OR4K5: variants seen among roughly 807,000 people sequenced by gnomAD.
The protein encoded by OR4K5 is olfactory receptor family 4 subfamily K member 5, also known as olfactory receptor 4K5.
For missense variants in OR4K5, 520 were observed against 377.1 expected, an observed-to-expected ratio of 1.38 and a Z score of -3.14; for synonymous variants, 187 against 142.2, an observed-to-expected ratio of 1.31 and a Z score of -2.24.
rs752580781 is a variant in OR4K5 at position 19,920,912 on chromosome 14, C to T, written c.306C>T (p.Phe102=). 1.2e-6 allele frequency: 2 copies of T among 1,614,166 alleles called. No individual in the cohort carries two copies. Among genetic ancestry groups the T allele is most frequent in the Middle Eastern group, 1.7e-4 (1 of 6,060 alleles). The change falls in exon 1 of 1, where the codon TTC becomes TTT. Residue 102 remains phenylalanine, a synonymous_variant. Transcript: ENST00000315915. The part of the protein sequence containing the change: ...ISFSGCIAQI[F]FIHLFTGGEM... ...TCAGTGGCTGCATAGCCCAAATTTT[C>T]TTTATTCACCTTTTTACTGGAGGGG...
At position 19,920,840 on chromosome 14, in the gene OR4K5, C is replaced by T. The variant is rs1297721290; in HGVS notation, c.234C>T (p.Thr78=). Residue 78 remains threonine, a synonymous_variant, in exon 1 of 1, where the codon ACC becomes ACT. Coordinates refer to ENST00000315915, the MANE Select transcript of OR4K5 (RefSeq NM_001005483.1). The part of the protein sequence containing the change: ...FVDICQASFA[T]PKMIADFLSA... ...ACATTTGTCAGGCTTCTTTTGCTACCCCTAAAATGATTGCAGATTTTCTGA... is the reference window on the plus strand; with the variant it reads ...ACATTTGTCAGGCTTCTTTTGCTACTCCTAAAATGATTGCAGATTTTCTGA... 6.2e-7 allele frequency: 1 copy of T among 1,614,164 alleles called. No homozygotes were observed. The highest frequency in any genetic ancestry group is 1.3e-5 in the African/African-American group (1 of 75,050).
chr14:19,920,905 A>G lies in OR4K5; in HGVS notation c.299A>G (p.Gln100Arg), dbSNP rs765920715. 4 of 1,614,172 alleles carry G rather than the reference A, an allele frequency of 2.5e-6. No individual in the cohort carries two copies. In the South Asian group the frequency reaches 4.4e-5, roughly 18 times the overall value. Reference sequence around the variant, plus strand: ...ATATCTTTCAGTGGCTGCATAGCCCAAATTTTCTTTATTCACCTTTTTACT... The same window carrying G: ...ATATCTTTCAGTGGCTGCATAGCCCGAATTTTCTTTATTCACCTTTTTACT... Reference protein sequence around the residue: ...ETISFSGCIAQIFFIHLFTGG... With the variant: ...ETISFSGCIARIFFIHLFTGG... Residue 100 changes from glutamine to arginine, a missense_variant, in exon 1 of 1, where the codon CAA (glutamine) becomes CGA (arginine). Coordinates refer to ENST00000315915, the MANE Select transcript of OR4K5 (RefSeq NM_001005483.1).
In OR4K5 at chr14:19,920,909, T is replaced by G. The variant is rs767417466; in HGVS notation, c.303T>G (p.Ile101Met). The G allele has an allele frequency of 3.7e-6, 6 of 1,614,172 alleles. No homozygotes were observed. The highest frequency in any genetic ancestry group is 2.2e-5 in the South Asian group (2 of 91,086). Residue 101 changes from isoleucine (I) to methionine (M), a missense_variant, in exon 1 of 1, where the codon ATT becomes ATG. Ile to Met is a conservative substitution (Grantham distance 10). Coordinates refer to ENST00000315915, the MANE Select transcript of OR4K5 (RefSeq NM_001005483.1). ...CTTTCAGTGGCTGCATAGCCCAAAT[T>G]TTCTTTATTCACCTTTTTACTGGAG... ...TISFSGCIAQ[I>M]FFIHLFTGGE...
In OR4K5 at chr14:19,920,984, A is replaced by G; in HGVS notation, c.378A>G (p.Ile126Met). 1 of 1,614,204 alleles carries G rather than the reference A, an allele frequency of 6.2e-7. No individual in the cohort carries two copies. The highest frequency in any genetic ancestry group is 8.5e-7 in the Non-Finnish European group (1 of 1,180,006). Residue 126 changes from isoleucine (I) to methionine (M), a missense_variant, in exon 1 of 1, where the codon ATA becomes ATG. Ile to Met is a conservative substitution (Grantham distance 10, BLOSUM62 1). Transcript: ENST00000315915. ...VSMAYDRYVA[I>M]CKPLYYVVIM... is the part of the protein sequence containing the mutation. ...TGGCCTATGACAGGTATGTAGCCAT[A>G]TGCAAACCCTTATACTATGTGGTCA...
In OR4K5 at chr14:19,921,510, G is replaced by A. The variant is rs774761919; in HGVS notation, c.904G>A (p.Val302Met). ...RDMKAAVRKI[V>M]NHYLRPRRIS... is the part of the protein sequence containing the mutation. Reference sequence around the variant, plus strand: ...TATGAAGGCTGCCGTAAGGAAAATTGTGAACCATTACCTGAGGCCAAGGAG... The same window carrying A: ...TATGAAGGCTGCCGTAAGGAAAATTATGAACCATTACCTGAGGCCAAGGAG... Residue 302 changes from valine (V) to methionine (M), a missense_variant, in exon 1 of 1, where the codon GTG becomes ATG. Transcript: ENST00000315915. 1 of 1,613,948 alleles carries A rather than the reference G, an allele frequency of 6.2e-7. No individual in the cohort carries two copies. Among genetic ancestry groups the A allele is most frequent in the Non-Finnish European group, 8.5e-7 (1 of 1,179,844 alleles).
rs755690620 is a variant in OR4K5 at position 19,921,106 on chromosome 14, CT to C, written c.505del (p.Cys169ValfsTer5). 2 of 1,614,168 alleles carry C rather than the reference CT, an allele frequency of 1.2e-6. No homozygotes were observed. The highest frequency in any genetic ancestry group is 4.5e-5 in the East Asian group (2 of 44,892). On this transcript the variant is annotated frameshift_variant, in exon 1 of 1. Transcript: ENST00000315915. LOFTEE classifies it low-confidence loss of function (END_TRUNC). Reference protein sequence around the residue: ...LSQLSFTVNLPFCGPNVVDSF... With the variant: ...LSQLSFTVNLXFCGPNVVDSF... ...CAGTTATCATTTACTGTGAACCTGC[CT>C]TTTTGTGGACCTAATGTAGTAGACA...
chr14:19,921,082 A>T lies in OR4K5; in HGVS notation c.476A>T (p.Gln159Leu). 1 of 1,614,154 alleles carries T rather than the reference A, an allele frequency of 6.2e-7. No individual in the cohort carries two copies. Among genetic ancestry groups the T allele is most frequent in the Non-Finnish European group, 8.5e-7 (1 of 1,180,006 alleles). The change falls in exon 1 of 1, where the codon CAG becomes CTG. Residue 159 changes from glutamine to leucine, a missense_variant. Transcript: ENST00000315915. ...WAVSLVHTLS[Q>L]LSFTVNLPFC... ...GTGAGCTTGGTGCACACATTAAGCC[A>T]GTTATCATTTACTGTGAACCTGCCT...
In OR4K5 at chr14:19,921,030, A is replaced by C. The variant is rs773713439; in HGVS notation, c.424A>C (p.Thr142Pro). The C allele has an allele frequency of 6.2e-7, 1 of 1,614,192 alleles. No individual in the cohort carries two copies. The highest frequency in any genetic ancestry group is 8.5e-7 in the Non-Finnish European group (1 of 1,179,990). Residue 142 changes from threonine (T) to proline (P), a missense_variant, in exon 1 of 1, where the codon ACT becomes CCT. Thr to Pro is a conservative substitution (Grantham distance 38). Transcript: ENST00000315915. ...GGTCATCATGAGCCGAAGGACATGCACTGTCTTGGTAATGATCTCCTGGGC... is the reference window on the plus strand; with the variant it reads ...GGTCATCATGAGCCGAAGGACATGCCCTGTCTTGGTAATGATCTCCTGGGC... The part of the protein sequence containing the change: ...YVVIMSRRTC[T>P]VLVMISWAVS...
In OR4K5 at chr14:19,921,210, A is replaced by C. The variant is rs748052234; in HGVS notation, c.604A>C (p.Asn202His). ...SYIIEILIVV[N>H]SGILSLSTFS... Reference sequence around the variant, plus strand: ...CATCATTGAAATACTAATTGTGGTCAATAGTGGAATTCTTTCCCTAAGCAC... The same window carrying C: ...CATCATTGAAATACTAATTGTGGTCCATAGTGGAATTCTTTCCCTAAGCAC... Residue 202 changes from asparagine to histidine, a missense_variant, in exon 1 of 1, where the codon AAT becomes CAT. Coordinates refer to ENST00000315915, the MANE Select transcript of OR4K5 (RefSeq NM_001005483.1). The C allele has an allele frequency of 6.2e-7, 1 of 1,614,034 alleles. No individual in the cohort carries two copies. The highest frequency in any genetic ancestry group is 1.3e-5 in the African/African-American group (1 of 74,940).
rs764905933 is a variant in OR4K5 at position 19,920,893 on chromosome 14, G to T, written c.287G>T (p.Gly96Val). The T allele has an allele frequency of 6.2e-7, 1 of 1,614,176 alleles. No homozygotes were observed. Among genetic ancestry groups the T allele is most frequent in the Non-Finnish European group, 8.5e-7 (1 of 1,180,002 alleles). ...GCACACGAGACCATATCTTTCAGTG[G>T]CTGCATAGCCCAAATTTTCTTTATT... ...LSAHETISFS[G>V]CIAQIFFIHL... The change falls in exon 1 of 1, where the codon GGC becomes GTC. Residue 96 changes from glycine to valine, a missense_variant. By Grantham distance (109) the Gly-to-Val change is moderately radical. Transcript: ENST00000315915.
chr14:19,921,527 G>A lies in OR4K5; in HGVS notation c.921G>A (p.Arg307=). The change falls in exon 1 of 1, where the codon AGG becomes AGA. Residue 307 remains arginine (R), a synonymous_variant. Coordinates refer to ENST00000315915, the MANE Select transcript of OR4K5 (RefSeq NM_001005483.1). ...GGAAAATTGTGAACCATTACCTGAG[G>A]CCAAGGAGAATTTCTGAAATGTCAC... ...AVRKIVNHYL[R]PRRISEMSLV... is the part of the protein sequence containing the mutation. The A allele has an allele frequency of 6.2e-7, 1 of 1,613,484 alleles. No individual in the cohort carries two copies. Among genetic ancestry groups the A allele is most frequent in the Non-Finnish European group, 8.5e-7 (1 of 1,179,726 alleles).
At position 19,920,617 on chromosome 14, in the gene OR4K5, C is replaced by A. The variant is rs138641868; in HGVS notation, c.11C>A (p.Ser4Tyr). ...TTGCAGCTTGGAACCATGGATAAGT[C>A]CAATTCTTCAGTGGTGTCTGAATTT... MDK[S>Y]NSSVVSEFVL... The change falls in exon 1 of 1, where the codon TCC becomes TAC. Residue 4 changes from serine to tyrosine, a missense_variant. Transcript: ENST00000315915. 2 of 1,605,830 alleles carry A rather than the reference C, an allele frequency of 1.2e-6. No individual in the cohort carries two copies. Among genetic ancestry groups the A allele is most frequent in the Admixed American group, 1.7e-5 (1 of 58,416 alleles).
exon 1 of OR4K5, chr14:19,921,576 T>TAAG (rs1484790762): frequency 2.5e-6 from 4 of 1,607,142 alleles, no homozygotes; most frequent in Non-Finnish European, 3.4e-6. Flanking sequence ...TTCCTTTCAT[T>TAAG]AAGACAAAAC....
chr14:19,921,169 C>A lies in OR4K5; in HGVS notation c.563C>A (p.Ala188Asp), dbSNP rs1594448791. ...FCDLPRVTKL[A>D]CLDSYIIEIL... ...GATCTTCCTCGAGTCACCAAACTTG[C>A]CTGCCTGGACTCTTACATCATTGAA... is the stretch of plus-strand genomic sequence containing the variant. The change falls in exon 1 of 1, where the codon GCC becomes GAC. Residue 188 changes from alanine (A) to aspartate (D), a missense_variant. Physicochemically the swap from Ala to Asp is moderately radical, Grantham distance 126. Transcript: ENST00000315915. The A allele has an allele frequency of 1.9e-6, 3 of 1,614,104 alleles. No individual in the cohort carries two copies. Among genetic ancestry groups the A allele is most frequent in the Admixed American group, 1.7e-5 (1 of 60,008 alleles).
chr14:19,920,610 G>A lies in OR4K5; in HGVS notation c.4G>A (p.Asp2Asn). 1.2e-6 allele frequency: 2 copies of A among 1,601,554 alleles called. No homozygotes were observed. Among genetic ancestry groups the A allele is most frequent in the Non-Finnish European group, 1.7e-6 (2 of 1,174,770 alleles). MDKSNSSVVSEF... is the reference protein window; with the variant it reads MNKSNSSVVSEF... ...AACAAGTTTGCAGCTTGGAACCATGGATAAGTCCAATTCTTCAGTGGTGTC... is the reference window on the plus strand; with the variant it reads ...AACAAGTTTGCAGCTTGGAACCATGAATAAGTCCAATTCTTCAGTGGTGTC... Residue 2 changes from aspartate (D) to asparagine (N), a missense_variant, in exon 1 of 1, where the codon GAT becomes AAT. Coordinates refer to ENST00000315915, the MANE Select transcript of OR4K5 (RefSeq NM_001005483.1).
rs763187947 is a variant in OR4K5 at position 19,921,440 on chromosome 14, C to A, written c.834C>A (p.Phe278Leu). ...TTCTTGCCATATTTTACACTGTTTT[C>A]ACCCCCGTCCTAAACCCCATTATTT... ...DKFLAIFYTV[F>L]TPVLNPIIYT... Residue 278 changes from phenylalanine (F) to leucine (L), a missense_variant, in exon 1 of 1, where the codon TTC (phenylalanine) becomes TTA (leucine). Coordinates refer to ENST00000315915, the MANE Select transcript of OR4K5 (RefSeq NM_001005483.1). 2 of 1,614,126 alleles carry A rather than the reference C, an allele frequency of 1.2e-6. No homozygotes were observed. The highest frequency in any genetic ancestry group is 3.3e-5 in the Admixed American group (2 of 60,020).
Position 19,921,147 on chromosome 14 carries a change from C to G in OR4K5, c.541C>G (p.Leu181Val), listed in dbSNP as rs1209142203. 6.2e-7 allele frequency: 1 copy of G among 1,613,988 alleles called. No individual in the cohort carries two copies. Among genetic ancestry groups the G allele is most frequent in the Non-Finnish European group, 8.5e-7 (1 of 1,179,986 alleles). ...PNVVDSFFCDLPRVTKLACLD... is the reference protein window; with the variant it reads ...PNVVDSFFCDVPRVTKLACLD... Reference sequence around the variant, plus strand: ...TGTAGTAGACAGCTTTTTTTGTGATCTTCCTCGAGTCACCAAACTTGCCTG... The same window carrying G: ...TGTAGTAGACAGCTTTTTTTGTGATGTTCCTCGAGTCACCAAACTTGCCTG... Residue 181 changes from leucine (L) to valine (V), a missense_variant, in exon 1 of 1, where the codon CTT becomes GTT. Transcript: ENST00000315915.
chr14:19,921,126 G>A lies in OR4K5; in HGVS notation c.520G>A (p.Val174Ile), dbSNP rs183865558. Residue 174 changes from valine (V) to isoleucine (I), a missense_variant, in exon 1 of 1, where the codon GTA (valine) becomes ATA (isoleucine). Val to Ile is a conservative substitution (Grantham distance 29). Coordinates refer to ENST00000315915, the MANE Select transcript of OR4K5 (RefSeq NM_001005483.1). ...VNLPFCGPNV[V>I]DSFFCDLPRV... ...CCTGCCTTTTTGTGGACCTAATGTA[G>A]TAGACAGCTTTTTTTGTGATCTTCC... is the stretch of plus-strand genomic sequence containing the variant. 280 of 1,614,150 alleles carry A rather than the reference G, an allele frequency of 1.7e-4. No homozygotes were observed. Among genetic ancestry groups the A allele is most frequent in the Non-Finnish European group, 1.5e-4 (182 of 1,179,988 alleles).
rs1881936892 is a variant in OR4K5 at position 19,921,362 on chromosome 14, A to G, written c.756A>G (p.Gly252=). The G allele has an allele frequency of 6.2e-7, 1 of 1,614,022 alleles. No individual in the cohort carries two copies. Among genetic ancestry groups the G allele is most frequent in the Admixed American group, 1.7e-5 (1 of 59,992 alleles). ...SHIAVVILFF[G]PCIFIYVWPF... ...TTGCAGTAGTAATATTATTCTTTGG[A>G]CCTTGCATCTTCATCTATGTGTGGC... is the stretch of plus-strand genomic sequence containing the variant. Residue 252 remains glycine, a synonymous_variant, in exon 1 of 1, where the codon GGA becomes GGG. Coordinates refer to ENST00000315915, the MANE Select transcript of OR4K5 (RefSeq NM_001005483.1).
Sources: gnomAD v4.1 joint callset for allele counts on GRCh38, gnomAD v4.1.1 for gene constraint, MANE v1.5 for transcripts, NCBI Gene and HGNC (gene_info 2026-07-23, HGNC 2026-07-21) for gene names.